The following RNF208 variants were observed in gnomAD, a reference collection of about 807,000 sequenced individuals.
RNF208 encodes the protein ring finger protein 208.
RNF208 carries 7 observed loss-of-function variants against 15.2 expected under a neutral mutation model. The ratio of observed to expected loss-of-function variants is 0.46; its 90% CI spans 0.26 to 0.86. The LOEUF is 0.86. Among genes scored for constraint, RNF208 ranks in the 40% least tolerant of loss-of-function variants. The probability of loss-of-function intolerance (pLI) is 0.16; values close to 1 mark genes in which losing one functional copy is unlikely to be tolerated. For missense variants in RNF208, 342 were observed against 364.1 expected (o/e 0.94, Z 0.49); for synonymous variants, 211 against 163.2 (o/e 1.29, Z -2.23).
chr9:137,222,498 C>T (rs1010221332), upstream of RNF208, among the ~76,000 whole-genome samples: 4 of 152,124 alleles, frequency 2.6e-5, no homozygotes, highest in South Asian at 8.3e-4. Context: ...TCCGGCTGTT[C>T]TCCTCCCTCA....
In RNF208 at chr9:137,221,232, C is replaced by T; in HGVS notation, c.-20G>A. 1 of 939,602 alleles carries T rather than the reference C, an allele frequency of 1.1e-6. No homozygotes were observed. 58.2% of individuals were successfully genotyped at this position (939,602 alleles called of 1,614,324 possible). On this transcript the variant is annotated 5_prime_UTR_variant, in exon 2 of 2. Transcript: ENST00000391553. Reference sequence around the variant, plus strand: ...GGGCATCCGGCTGTCTCCAGTCAGACTGGATGTTCGGGTGGGTGGGGGCGT... The same window carrying T: ...GGGCATCCGGCTGTCTCCAGTCAGATTGGATGTTCGGGTGGGTGGGGGCGT...
In RNF208 at chr9:137,220,826, G is replaced by A. The variant is rs764898245; in HGVS notation, c.387C>T (p.Ala129=). Reference sequence around the variant, plus strand: ...CTGCCGCCGCCGAAGAAGCCGCCGAGGCCGAGGGGCCAGGCCGAATCACGT... The same window carrying A: ...CTGCCGCCGCCGAAGAAGCCGCCGAAGCCGAGGGGCCAGGCCGAATCACGT... ...NQYVIRPGPS[A]SAASSAAAGE... The change falls in exon 2 of 2, where the codon GCC becomes GCT. Residue 129 remains alanine (A), a synonymous_variant. Transcript: ENST00000391553. The A allele has an allele frequency of 2.5e-6, 4 of 1,607,882 alleles. No individual in the cohort carries two copies. The highest frequency in any genetic ancestry group is 3.4e-6 in the Non-Finnish European group (4 of 1,177,466).
Position 137,220,605 on chromosome 9 carries a change from G to A in RNF208, c.608C>T (p.Ala203Val). ...CAGGATGGACGTGTTGACAGCCAGC[G>A]CGGCCAGGCCGTAGTCGGTGAAGAG... is the stretch of plus-strand genomic sequence containing the variant. ...TVLFTDYGLA[A>V]LAVNTSILSR... The change falls in exon 2 of 2, where the codon GCG becomes GTG. Residue 203 changes from alanine (A) to valine (V), a missense_variant. This residue lies in a region of RNF208 where 76 missense variants were observed against 118.0 expected (regional missense o/e 0.64). Coordinates refer to ENST00000391553, the MANE Select transcript of RNF208 (RefSeq NM_031297.7). 3 of 1,612,294 alleles carry A rather than the reference G, an allele frequency of 1.9e-6. No individual in the cohort carries two copies. Among genetic ancestry groups the A allele is most frequent in the Non-Finnish European group, 2.5e-6 (3 of 1,179,804 alleles).
upstream of RNF208, among the ~76,000 whole-genome samples, chr9:137,223,038 T>G (rs1017562055): frequency 6.6e-6 from 1 of 152,146 alleles, no homozygotes; most frequent in South Asian, 2.1e-4. Flanking sequence ...CATCCTGGCC[T>G]CCTTCAGCTC....
upstream of RNF208, among the ~76,000 whole-genome samples, chr9:137,222,500 C>T (rs1588830452): frequency 6.6e-6 from 1 of 152,084 alleles, no homozygotes; most frequent in Non-Finnish European, 1.5e-5. Context: ...CGGCTGTTCT[C>T]CTCCCTCACA....
chr9:137,221,956 A>T (rs914266698), intron 1 of RNF208, among the ~76,000 whole-genome samples, 33 bp downstream of exon 1: 2 of 151,830 alleles, frequency 1.3e-5, no homozygotes, highest in African/African-American at 4.8e-5. Flanking sequence ...AGGGGCGCTG[A>T]GTCCGCCCCC....
rs765594605 is a variant in RNF208 at position 137,220,459 on chromosome 9, G to A, written c.754C>T (p.Arg252Trp). The change falls in exon 2 of 2, where the codon CGG becomes TGG. Residue 252 changes from arginine to tryptophan, a missense_variant. Arg to Trp is a moderately radical substitution (Grantham distance 101). Around this residue, in one of 3 missense-constraint regions of RNF208, gnomAD observed 59 missense variants for 52.4 expected, o/e 1.13. Coordinates refer to ENST00000391553, the MANE Select transcript of RNF208 (RefSeq NM_031297.7). ...ATGGAGCAGGCGGACAGTGGGTTCC[G>A]CACGTGGCAGGTGCACGCGGCCCCA... ...YCGAACTCHV[R>W]NPLSACSIM 8.1e-6 allele frequency: 13 copies of A among 1,595,778 alleles called. No individual in the cohort carries two copies. The highest frequency in any genetic ancestry group is 3.4e-5 in the Admixed American group (2 of 58,072).
At position 137,220,568 on chromosome 9, in the gene RNF208, C is replaced by T. The variant is rs778891284; in HGVS notation, c.645G>A (p.Pro215=). 22 of 1,610,758 alleles carry T rather than the reference C, an allele frequency of 1.4e-5. No individual in the cohort carries two copies. Among genetic ancestry groups the T allele is most frequent in the Middle Eastern group, 1.6e-4 (1 of 6,082 alleles). The change falls in exon 2 of 2, where the codon CCG becomes CCA. Residue 215 remains proline, a synonymous_variant. Transcript: ENST00000391553. ...CGGATGGGGCCGTCAGCGCCTCAGGCGGCAGGCGGCTCAGGATGGACGTGT... is the reference window on the plus strand; with the variant it reads ...CGGATGGGGCCGTCAGCGCCTCAGGTGGCAGGCGGCTCAGGATGGACGTGT... ...AVNTSILSRL[P]PEALTAPSGG...
In RNF208 at chr9:137,221,636, C is replaced by G. The variant is rs1332755543; in HGVS notation, c.-424G>C. The G allele has an allele frequency of 6.2e-6, 1 of 162,116 alleles. No homozygotes were observed. Among genetic ancestry groups the G allele is most frequent in the Non-Finnish European group, 1.3e-5 (1 of 75,118 alleles). 10.0% of individuals were successfully genotyped at this position (162,116 alleles called of 1,614,324 possible). On this transcript the variant is annotated 5_prime_UTR_variant, in exon 2 of 2. Transcript: ENST00000391553. ...CTGGGTGGGCCCCATGGCTCCAGGA[C>G]AGGGCGCCCAGGGAAGGCAGCTAGC...
rs1421256189 is a variant in RNF208, at chr9:137,221,238, G to T, written c.-26C>A. Reference sequence around the variant, plus strand: ...CCGGCTGTCTCCAGTCAGACTGGATGTTCGGGTGGGTGGGGGCGTTGTGTG... The same window carrying T: ...CCGGCTGTCTCCAGTCAGACTGGATTTTCGGGTGGGTGGGGGCGTTGTGTG... On this transcript the variant is annotated 5_prime_UTR_variant, in exon 2 of 2. Coordinates refer to ENST00000391553, the MANE Select transcript of RNF208 (RefSeq NM_031297.7). The T allele has an allele frequency of 2.2e-6, 2 of 895,494 alleles. No homozygotes were observed. Among genetic ancestry groups the T allele is most frequent in the African/African-American group, 1.9e-5 (1 of 52,750 alleles). The allele number at this position is 895,494 out of a possible 1,614,324, so 55.5% of individuals were successfully genotyped here.
Position 137,220,373 on chromosome 9 carries a change from C to T in RNF208, c.*54G>A. 6.7e-7 allele frequency: 1 copy of T among 1,494,894 alleles called. No individual in the cohort carries two copies. Among genetic ancestry groups the T allele is most frequent in the Non-Finnish European group, 8.9e-7 (1 of 1,119,404 alleles). 92.6% of individuals were successfully genotyped at this position (1,494,894 alleles called of 1,614,324 possible). A position where few individuals can be genotyped will look rare whatever the true frequency, so the allele number is the denominator to read the frequency against. On this transcript the variant is annotated 3_prime_UTR_variant, in exon 2 of 2. Coordinates refer to ENST00000391553, the MANE Select transcript of RNF208 (RefSeq NM_031297.7). Reference sequence around the variant, plus strand: ...GCGGGCGGCAGGGCAGGGCCGGGTCCCTGAAGAAGCAGCGAGCGAGGCTCA... The same window carrying T: ...GCGGGCGGCAGGGCAGGGCCGGGTCTCTGAAGAAGCAGCGAGCGAGGCTCA...
At chr9:137,222,584 G>T (rs1034068135), upstream of RNF208, among the ~76,000 whole-genome samples, 1 of 152,200 alleles carries the variant, frequency 6.6e-6, no homozygotes, top group Non-Finnish European at 1.5e-5. Flanking sequence ...TGGTTCCAGG[G>T]CCCACCGGTG....
At position 137,222,084 on chromosome 9, in the gene RNF208, C is replaced by CG. The variant is rs1290117644; in HGVS notation, c.-623dup. Among the ~76,000 whole-genome samples the CG allele has an allele frequency of 8.1e-5, 12 of 147,842 alleles. No homozygotes were observed. Among genetic ancestry groups the CG allele is most frequent in the Non-Finnish European group, 1.7e-4 (11 of 66,480 alleles). On this transcript the variant is annotated 5_prime_UTR_variant, in exon 1 of 2. Coordinates refer to ENST00000391553, the MANE Select transcript of RNF208 (RefSeq NM_031297.7). Reference sequence around the variant, plus strand: ...GCGCCCGCGCCTCGGCCCGGCAGCTCGGGGGGCTCCGGCGGCTCCGGCGGC... The same window carrying CG: ...GCGCCCGCGCCTCGGCCCGGCAGCTCGGGGGGGCTCCGGCGGCTCCGGCGGC...
In RNF208 at chr9:137,220,703, G is replaced by A; in HGVS notation, c.510C>T (p.Cys170=). 6.2e-7 allele frequency: 1 copy of A among 1,612,602 alleles called. No homozygotes were observed. The highest frequency in any genetic ancestry group is 2.2e-5 in the East Asian group (1 of 44,884). The stretch of plus-strand genomic sequence containing the variant: ...GGCAGGACTCGTAGAGAATCTGCAG[G>A]CACTGCTCACACACAGAGTGCAGGC... ...LSCLHSVCEQ[C]LQILYESCPK... The change falls in exon 2 of 2, where the codon TGC becomes TGT. Residue 170 remains cysteine (C), a synonymous_variant. Coordinates refer to ENST00000391553, the MANE Select transcript of RNF208 (RefSeq NM_031297.7).
upstream of RNF208, among the ~76,000 whole-genome samples, chr9:137,222,340 A>C (rs987377212): frequency 1.3e-5 from 2 of 149,952 alleles, no homozygotes; most frequent in Non-Finnish European, 3.0e-5. Context: ...GGGCGGGGCC[A>C]GCCTCCCGGC....
At chr9:137,223,103 T>G (rs1835897890), upstream of RNF208, among the ~76,000 whole-genome samples, 1 of 152,236 alleles carries the variant, frequency 6.6e-6, no homozygotes. Context: ...CCCCAGGGCC[T>G]GCAGAGTGCT....
upstream of RNF208, among the ~76,000 whole-genome samples, chr9:137,223,173 G>A (rs1199553272): frequency 2.0e-5 from 3 of 152,358 alleles, no homozygotes; most frequent in Non-Finnish European, 4.4e-5. Flanking sequence ...CAGGCTGGAG[G>A]AGCAGCCCTG....
Position 137,221,073 on chromosome 9 carries a change from G to T in RNF208, c.140C>A (p.Ala47Asp). The T allele has an allele frequency of 6.2e-7, 1 of 1,603,872 alleles. No homozygotes were observed. Among genetic ancestry groups the T allele is most frequent in the Non-Finnish European group, 8.5e-7 (1 of 1,175,980 alleles). The change falls in exon 2 of 2, where the codon GCC (alanine) becomes GAC (aspartate). Residue 47 changes from alanine to aspartate, a missense_variant. Coordinates refer to ENST00000391553, the MANE Select transcript of RNF208 (RefSeq NM_031297.7). The stretch of plus-strand genomic sequence containing the variant: ...CCGGGGAGCAGGCGGGAAGCAGGGG[G>T]CAGCCGGTAGCTCAGGGAACTTTTC... ...HPEKFPELPA[A>D]PCFPPAPRPT...
At chr9:137,222,856 G>A (rs1478785579), upstream of RNF208, among the ~76,000 whole-genome samples, 1 of 152,240 alleles carries the variant, frequency 6.6e-6, no homozygotes, top group Non-Finnish European at 1.5e-5. Context: ...GCACTCCAGC[G>A]CGCAGGCCCG....
Sources: allele counts gnomAD v4.1 joint callset (sites outside exome capture counted in the v4.1 genomes callset), GRCh38; gene constraint gnomAD v4.1.1; regional missense constraint gnomAD v4.1.1; transcripts MANE v1.5; gene names NCBI Gene and HGNC (gene_info 2026-07-23, HGNC 2026-07-21).